The following RARB variants were observed in gnomAD, a reference collection of about 807,000 sequenced individuals.
The protein encoded by RARB is retinoic acid receptor beta, also known as HBV-activated protein.
In RARB, 17 loss-of-function variants were observed where a neutral mutation model predicts 51.9. The ratio of observed to expected loss-of-function variants is 0.33; its 90% CI spans 0.22 to 0.49. The LOEUF (loss-of-function observed/expected upper bound fraction) is 0.49. RARB is among the 20% of genes least tolerant of loss of function. RARB has a pLI of 0.99. For synonymous variants in RARB, 215 were observed against 195.4 expected (o/e 1.10, Z -0.84); for missense variants, 369 against 550.8 (o/e 0.67, Z 3.30).
intron 2 of RARB, among the ~76,000 whole-genome samples, chr3:24,953,436 C>T (rs911451231): frequency 6.6e-6 from 1 of 152,100 alleles, no homozygotes; most frequent in Non-Finnish European, 1.5e-5. Context: ...CACTTAGTAC[C>T]CCTGAGCAAT....
intron 2 of RARB, among the ~76,000 whole-genome samples, chr3:25,497,159 A>G (rs1417567001): frequency 6.6e-6 from 1 of 152,182 alleles, no homozygotes; most frequent in African/African-American, 2.4e-5. Flanking sequence ...TGCTGGGATT[A>G]CAGGGGTGAG....
intron 2 of RARB, among the ~76,000 whole-genome samples, chr3:25,473,409 G>A (rs1324695584): frequency 1.3e-5 from 2 of 152,102 alleles, no homozygotes; most frequent in Middle Eastern, 3.2e-3. Flanking sequence ...TGGCAGGCCG[G>A]CCCCATTAGA....
chr3:24,890,878 A>G (rs1381779830), intron 2 of RARB, among the ~76,000 whole-genome samples: 1 of 152,058 alleles, frequency 6.6e-6, no homozygotes, highest in Non-Finnish European at 1.5e-5. Flanking sequence ...GTTTGGGTCC[A>G]TTTACCAGCT....
At chr3:25,111,570 G>T (rs966740843) in intron 3 of RARB, among the ~76,000 whole-genome samples, 2 of 141,594 alleles carry the variant, frequency 1.4e-5, no homozygotes, top group Admixed American at 7.6e-5. Context: ...AATGATCTCC[G>T]TTTCTAACAG....
At chr3:25,118,508 A>C (rs1212215686) in intron 3 of RARB, among the ~76,000 whole-genome samples, 1 of 152,200 alleles carries the variant, frequency 6.6e-6, no homozygotes, top group African/African-American at 2.4e-5. Context: ...ATAGCTTTGG[A>C]GGAATCCTCC....
In RARB at chr3:25,238,910, C is replaced by T. The variant is rs112056370; in HGVS notation, c.178+64335C>T. Among the ~76,000 whole-genome samples the T allele has an allele frequency of 9.2e-5, 14 of 151,370 alleles. 1 individual carries two copies. The highest frequency in any genetic ancestry group is 2.7e-4 in the African/African-American group (11 of 41,186). On this transcript the variant is annotated intron_variant, in intron 5 of 11. Transcript: ENST00000383772. The stretch of plus-strand genomic sequence containing the variant: ...AGAAGAATCTCTTGAACCCAGGAGG[C>T]GGAGGTTGCAGTAAGCCGAGATCAC...
At chr3:24,974,984 T>A (rs1213370652) in intron 2 of RARB, among the ~76,000 whole-genome samples, 1 of 152,152 alleles carries the variant, frequency 6.6e-6, no homozygotes, top group Admixed American at 6.6e-5. Context: ...CAGACACCTA[T>A]GGCTATTGAC....
At chr3:25,549,483 T>A (rs1699757486) in intron 3 of RARB, among the ~76,000 whole-genome samples, 1 of 152,212 alleles carries the variant, frequency 6.6e-6, no homozygotes, top group East Asian at 1.9e-4. Context: ...GCTGAGGATC[T>A]GATGACCAGA....
intron 3 of RARB, among the ~76,000 whole-genome samples, chr3:25,124,961 T>A (rs1280709333): frequency 6.6e-6 from 1 of 152,206 alleles, no homozygotes; most frequent in Admixed American, 6.5e-5. Flanking sequence ...TTAAGGGAAA[T>A]TTTGTTACTA....
At chr3:24,907,535 G>A (rs1694892764) in intron 2 of RARB, among the ~76,000 whole-genome samples, 1 of 152,160 alleles carries the variant, frequency 6.6e-6, no homozygotes, top group Admixed American at 6.5e-5. Context: ...TAACTCCAAA[G>A]CATCCCGTGG....
intron 5 of RARB, among the ~76,000 whole-genome samples, chr3:25,344,637 A>G (rs1166739104): frequency 3.3e-5 from 5 of 152,224 alleles, no homozygotes; most frequent in African/African-American, 9.6e-5. Flanking sequence ...CCCTAAAGCC[A>G]TGAACATTGA....
At chr3:25,490,924 C>G (rs1437979875) in intron 2 of RARB, among the ~76,000 whole-genome samples, 5 of 152,146 alleles carry the variant, frequency 3.3e-5, no homozygotes. Flanking sequence ...CGAAATCTTG[C>G]ATTTTAGAGG....
At chr3:25,407,643 G>C (rs79185701) in intron 5 of RARB, among the ~76,000 whole-genome samples, 1 of 151,706 alleles carries the variant, frequency 6.6e-6, no homozygotes, top group Admixed American at 6.6e-5. Flanking sequence ...ATGCATGCAC[G>C]CACACACACA....
At chr3:25,024,537 A>G (rs530408783) in intron 2 of RARB, among the ~76,000 whole-genome samples, 18 of 152,310 alleles carry the variant, frequency 1.2e-4, no homozygotes, top group Admixed American at 1.1e-3. Context: ...CAGATAAGAG[A>G]CTTAGGATAA....
At chr3:25,418,612 G>GA (rs60919455) in intron 5 of RARB, among the ~76,000 whole-genome samples, 53 of 144,924 alleles carry the variant, frequency 3.7e-4, no homozygotes, top group Middle Eastern at 3.5e-3. Flanking sequence ...AGGTGTGAAA[G>GA]AAAAAAAAAA....
chr3:25,380,319 C>T (rs1706587869), intron 5 of RARB, among the ~76,000 whole-genome samples: 1 of 152,130 alleles, frequency 6.6e-6, no homozygotes, highest in Non-Finnish European at 1.5e-5. Flanking sequence ...TTGGGTGAAC[C>T]CAGCTCTTAA....
chr3:25,535,369 A>G (rs1033327845), intron 3 of RARB, among the ~76,000 whole-genome samples: 2 of 150,376 alleles, frequency 1.3e-5, no homozygotes, highest in African/African-American at 4.9e-5. Context: ...TGGCCATGGG[A>G]CATCGGGCAA....
At position 24,877,346 on chromosome 3, in the gene RARB, C is replaced by T. The variant is rs868841599; in HGVS notation, c.-380+18594C>T. 2.9e-3 allele frequency among the ~76,000 whole-genome samples: 237 copies of T among 81,854 alleles called. 1 individual carries two copies. Among genetic ancestry groups the T allele is most frequent in the Admixed American group, 3.9e-3 (23 of 5,908 alleles). The allele number at this position is 81,854 out of a possible 152,430, so 53.7% of individuals were successfully genotyped here. On this transcript the variant is annotated intron_variant, in intron 2 of 11. Coordinates refer to the RARB transcript ENST00000383772. ...ATAGTAATTTTTTAAAGCAATCTTA[C>T]TTTTTTTTTTTTTTTTTGGAAAATT...
rs146618410 is a variant in RARB, at chr3:25,036,737, T to C, written c.-379-23388T>C. Reference sequence around the variant, plus strand: ...GCTGCTTCGGAGAGCAATGGTCTGGTTAGGATGTCGAAAAGGCATCACTAC... The same window carrying C: ...GCTGCTTCGGAGAGCAATGGTCTGGCTAGGATGTCGAAAAGGCATCACTAC... On this transcript the variant is annotated intron_variant, in intron 2 of 11. Transcript: ENST00000383772. Among the ~76,000 whole-genome samples, 7 of 152,232 alleles carry C rather than the reference T, an allele frequency of 4.6e-5. No individual in the cohort carries two copies. In the East Asian group the frequency reaches 1.4e-3, roughly 30 times the overall value.
Sources: allele counts gnomAD v4.1 joint callset (sites outside exome capture counted in the v4.1 genomes callset), GRCh38; gene constraint gnomAD v4.1.1; transcripts MANE v1.5; gene names NCBI Gene and HGNC (gene_info 2026-07-23, HGNC 2026-07-21).